The following SLC25A12 variants were observed in gnomAD, a reference collection of about 807,000 sequenced individuals.
SLC25A12 encodes electrogenic aspartate/glutamate antiporter SLC25A12, mitochondrial.
Under a neutral mutation model 83.3 loss-of-function variants are expected in SLC25A12, and 32 were observed. That is an observed-to-expected ratio of 0.38 (90% CI 0.29 to 0.52). The LOEUF is 0.52. SLC25A12 is among the 20% of genes least tolerant of loss of function. The pLI is 0.84. For missense variants in SLC25A12, 611 were observed against 835.6 expected (o/e 0.73, Z 3.31); for synonymous variants, 267 against 291.1 (o/e 0.92, Z 0.84).
chr2:171,867,332 G>A (rs1685353999), intron 3 of SLC25A12, among the ~76,000 whole-genome samples: 2 of 151,910 alleles, frequency 1.3e-5, no homozygotes, highest in East Asian at 3.9e-4. Context: ...CTGCACTCCA[G>A]CCTGGGCACC....
intron 1 of SLC25A12, among the ~76,000 whole-genome samples, chr2:171,893,515 C>T (rs967570484): frequency 1.3e-5 from 2 of 152,186 alleles, no homozygotes; most frequent in African/African-American, 4.8e-5. Context: ...AAAGGGAAGG[C>T]AATGAGGATC....
chr2:171,861,765 A>G (rs1685166214), intron 3 of SLC25A12, among the ~76,000 whole-genome samples: 1 of 152,084 alleles, frequency 6.6e-6, no homozygotes, highest in Non-Finnish European at 1.5e-5. Context: ...CTTTATTGCT[A>G]GAAGGGCCCA....
Position 171,837,168 on chromosome 2 carries a change from T to C in SLC25A12, c.565A>G (p.Ile189Val). 6.2e-7 allele frequency: 1 copy of C among 1,614,084 alleles called. No homozygotes were observed. Among genetic ancestry groups the C allele is most frequent in the South Asian group, 1.1e-5 (1 of 91,080 alleles). ...GLDFSDIMVT[I>V]RSHMLTPFVE... ...AAAGGAGTAAGCATGTGAGATCTAA[T>C]GGTAACCATGATGTCACTGAAATCC... is the stretch of plus-strand genomic sequence containing the variant. The change falls in exon 6 of 18, where the codon ATT becomes GTT. Residue 189 changes from isoleucine (I) to valine (V), a missense_variant. By Grantham distance (29) the Ile-to-Val change is conservative (BLOSUM62 3). Around this residue, in one of 3 missense-constraint regions of SLC25A12, gnomAD observed 540 missense variants for 777.5 expected, o/e 0.69. Coordinates refer to ENST00000422440, the MANE Select transcript of SLC25A12 (RefSeq NM_003705.5).
chr2:171,867,016 G>T (rs1335642008), intron 3 of SLC25A12, among the ~76,000 whole-genome samples: 1 of 143,720 alleles, frequency 7.0e-6, no homozygotes, highest in Non-Finnish European at 1.5e-5. Context: ...GGGCAGAGGC[G>T]CTCCTCACAT....
chr2:171,849,018 T>C (rs1235403999), intron 4 of SLC25A12, among the ~76,000 whole-genome samples: 1 of 151,816 alleles, frequency 6.6e-6, no homozygotes, highest in African/African-American at 2.4e-5. Context: ...GGTAAAACCC[T>C]GTCTCTACTA....
At chr2:171,891,274 G>A (rs1052847048) in intron 2 of SLC25A12, among the ~76,000 whole-genome samples, 2 of 151,962 alleles carry the variant, frequency 1.3e-5, no homozygotes, top group African/African-American at 4.8e-5. Flanking sequence ...ATTCCAGCCT[G>A]GGCGACAGAG....
Position 171,894,197 on chromosome 2 carries a change from A to C in SLC25A12, c.12+6T>G. 6.2e-7 allele frequency: 1 copy of C among 1,608,664 alleles called. No individual in the cohort carries two copies. Among genetic ancestry groups the C allele is most frequent in the African/African-American group, 1.3e-5 (1 of 74,854 alleles). ...AATAAAAGCAGCAGCAGAGAGTTGG[A>C]GTCACCTTGACCGCCATGCTGTGCT... On this transcript the variant is annotated splice_donor_region_variant and intron_variant, in intron 1 of 17. Transcript: ENST00000422440.
intron 2 of SLC25A12, among the ~76,000 whole-genome samples, chr2:171,869,610 A>C (rs1236088352): frequency 1.3e-5 from 2 of 152,132 alleles, no homozygotes; most frequent in African/African-American, 4.8e-5. Flanking sequence ...TACATCAATA[A>C]TTTTTTTAAA....
At chr2:171,799,819 G>T (rs1164097985) in intron 13 of SLC25A12, among the ~76,000 whole-genome samples, 1 of 152,218 alleles carries the variant, frequency 6.6e-6, no homozygotes, top group Non-Finnish European at 1.5e-5. Flanking sequence ...CAGAAAGTGT[G>T]TTCGCATAGG....
chr2:171,892,131 T>C (rs973543158), intron 2 of SLC25A12, among the ~76,000 whole-genome samples: 4 of 152,166 alleles, frequency 2.6e-5, no homozygotes, highest in African/African-American at 9.7e-5. Context: ...GGTCAAAGTG[T>C]CTTCATAAGA....
At chr2:171,829,297 T>C (rs1684380942) in intron 8 of SLC25A12, among the ~76,000 whole-genome samples, 1 of 152,136 alleles carries the variant, frequency 6.6e-6, no homozygotes. Context: ...AGAAATCCCA[T>C]ATGTGCAGGC....
chr2:171,847,246 T>C (rs1684817653), intron 4 of SLC25A12, among the ~76,000 whole-genome samples: 2 of 152,238 alleles, frequency 1.3e-5, no homozygotes, highest in Non-Finnish European at 1.5e-5. Context: ...TCTGTTATCA[T>C]TGTTTCTACT....
At chr2:171,810,760 C>T (rs1683931701) in intron 11 of SLC25A12, among the ~76,000 whole-genome samples, 1 of 152,182 alleles carries the variant, frequency 6.6e-6, no homozygotes, top group African/African-American at 2.4e-5. Context: ...AGAATACTAA[C>T]TCCCATAATC....
chr2:171,843,275 G>A (rs967337208), intron 5 of SLC25A12, among the ~76,000 whole-genome samples: 2 of 152,160 alleles, frequency 1.3e-5, no homozygotes, highest in East Asian at 3.8e-4. Context: ...ATTGGGCCAA[G>A]GTTTGAGAAT....
intron 17 of SLC25A12, among the ~76,000 whole-genome samples, chr2:171,786,822 C>T (rs992842173): frequency 6.6e-6 from 1 of 152,142 alleles, no homozygotes; most frequent in Non-Finnish European, 1.5e-5. Context: ...AAATTAGCTT[C>T]AAGAACATCT....
chr2:171,846,612 C>A (rs553545347), intron 4 of SLC25A12, among the ~76,000 whole-genome samples: 24 of 152,226 alleles, frequency 1.6e-4, no homozygotes, highest in Middle Eastern at 3.4e-3. Flanking sequence ...CAGAGACCAA[C>A]CTGGTCCCCA....
intron 13 of SLC25A12, among the ~76,000 whole-genome samples, chr2:171,801,907 CTGTGTG>C (rs3058854): frequency 0.045 from 6,613 of 145,368 alleles, 160 homozygotes; most frequent in African/African-American, 0.06. Context: ...ATATCTGGAT[CTGTGTG>C]TGTGTGTGTG....
At chr2:171,883,562 G>A (rs894186284) in intron 2 of SLC25A12, among the ~76,000 whole-genome samples, 12 of 152,166 alleles carry the variant, frequency 7.9e-5, no homozygotes, top group Non-Finnish European at 1.6e-4. Context: ...CCAGTACTTT[G>A]GGAGGCCATT....
chr2:171,867,225 C>CGG (rs1558937924), intron 3 of SLC25A12, among the ~76,000 whole-genome samples: 1 of 149,540 alleles, frequency 6.7e-6, no homozygotes, highest in African/African-American at 2.5e-5. Flanking sequence ...ACTTCCCAGA[C>CGG]GGGGTGGCGG....
Sources: allele counts gnomAD v4.1 joint callset (sites outside exome capture counted in the v4.1 genomes callset), GRCh38; gene constraint gnomAD v4.1.1; regional missense constraint gnomAD v4.1.1; transcripts MANE v1.5; gene names NCBI Gene and HGNC (gene_info 2026-07-23, HGNC 2026-07-21).